ROR2: variants seen among roughly 807,000 people sequenced by gnomAD.
ROR2 encodes the protein tyrosine-protein kinase transmembrane receptor ROR2.
Under a neutral mutation model 74.9 loss-of-function variants are expected in ROR2, and 33 were observed. That is an observed-to-expected ratio of 0.44 (90% confidence interval 0.33 to 0.59). The LOEUF (loss-of-function observed/expected upper bound fraction) is 0.59. Among genes scored for constraint, ROR2 ranks in the 20% least tolerant of loss-of-function variants. ROR2 has a pLI of 0.02. For missense variants in ROR2, 1,216 were observed against 1,313.8 expected, an observed-to-expected ratio of 0.93 and a Z score of 1.15; for synonymous variants, 586 against 558.7, an observed-to-expected ratio of 1.05 and a Z score of -0.69.
intron 1 of ROR2, among the ~76,000 whole-genome samples, chr9:91,835,258 T>G (rs1040466693): frequency 6.6e-6 from 1 of 152,150 alleles, no homozygotes; most frequent in Non-Finnish European, 1.5e-5. Context: ...ATGTGCCTCA[T>G]GAAACAAACA....
chr9:91,937,029 C>CAAAAAAAAAAAAAAAAAAAAAAAA (rs540672189), intron 1 of ROR2, among the ~76,000 whole-genome samples: 5 of 65,660 alleles, frequency 7.6e-5, no homozygotes, highest in African/African-American at 3.1e-4. Flanking sequence ...GACTCCGTCT[C>CAAAAAAAAAAAAAAAAAAAAAAAA]AAAAAAAAAA....
chr9:91,740,560 G>A (rs149094761), intron 4 of ROR2, among the ~76,000 whole-genome samples: 1 of 145,454 alleles, frequency 6.9e-6, no homozygotes, highest in Non-Finnish European at 1.5e-5. Flanking sequence ...TCGGGCGGGG[G>A]GGGGAATATA....
At chr9:91,860,444 CAG>C (rs1587793908) in intron 1 of ROR2, among the ~76,000 whole-genome samples, 2 of 152,034 alleles carry the variant, frequency 1.3e-5, no homozygotes, top group Non-Finnish European at 2.9e-5. Flanking sequence ...CAGAGTTGGC[CAG>C]AGAGACAGAG....
At chr9:91,865,309 T>C (rs1829596614) in intron 1 of ROR2, among the ~76,000 whole-genome samples, 1 of 152,204 alleles carries the variant, frequency 6.6e-6, no homozygotes, top group South Asian at 2.1e-4. Flanking sequence ...TCTGGGACTC[T>C]GCTTAAGAAA....
chr9:91,871,200 AC>A (rs1171887738), intron 1 of ROR2, among the ~76,000 whole-genome samples: 2 of 152,168 alleles, frequency 1.3e-5, no homozygotes, highest in African/African-American at 2.4e-5. Context: ...GAAGAGTCTC[AC>A]TTTCTCTGTT....
chr9:91,745,717 G>T (rs527455192), intron 4 of ROR2, among the ~76,000 whole-genome samples: 1 of 151,684 alleles, frequency 6.6e-6, no homozygotes, highest in Non-Finnish European at 1.5e-5. Flanking sequence ...TTGAGCCACC[G>T]CGCCCAGCCT....
chr9:91,915,194 C>G (rs2119442520), intron 1 of ROR2, among the ~76,000 whole-genome samples: 1 of 152,290 alleles, frequency 6.6e-6, no homozygotes, highest in Admixed American at 6.5e-5. Flanking sequence ...GCAGCGGCCT[C>G]CACCTGGCAC....
chr9:91,741,328 AT>A, intron 4 of ROR2, among the ~76,000 whole-genome samples: 2 of 148,550 alleles, frequency 1.3e-5, no homozygotes, highest in African/African-American at 4.9e-5. Context: ...AATAATAATA[AT>A]AATAATAATA....
Position 91,724,197 on chromosome 9 carries a change from T to C in ROR2, c.2297A>G (p.Asn766Ser). The change falls in exon 9 of 9, where the codon AAC becomes AGC. Residue 766 changes from asparagine to serine, a missense_variant. Asn to Ser is a conservative substitution (Grantham distance 46). Coordinates refer to ENST00000375708, the MANE Select transcript of ROR2 (RefSeq NM_004560.4). Reference protein sequence around the residue: ...NSSAQTSGASNTTQTSSLSTS... With the variant: ...NSSAQTSGASSTTQTSSLSTS... ...GCTCAGGGAGCTGGTCTGCGTGGTG[T>C]TGCTGGCCCCCGAGGTCTGCGCCGA... The C allele has an allele frequency of 5.6e-6, 9 of 1,613,048 alleles. No homozygotes were observed. Among genetic ancestry groups the C allele is most frequent in the Non-Finnish European group, 7.6e-6 (9 of 1,180,020 alleles).
At chr9:91,926,868 G>A (rs1277012393) in intron 1 of ROR2, among the ~76,000 whole-genome samples, 1 of 152,152 alleles carries the variant, frequency 6.6e-6, no homozygotes, top group African/African-American at 2.4e-5. Flanking sequence ...TGTTTCATGG[G>A]GAGAGAGCTT....
At chr9:91,776,783 G>A (rs1331251940) in intron 1 of ROR2, among the ~76,000 whole-genome samples, 3 of 152,156 alleles carry the variant, frequency 2.0e-5, no homozygotes, top group African/African-American at 7.2e-5. Flanking sequence ...TAAATGTAGA[G>A]AGACCACATG....
Position 91,748,674 on chromosome 9 carries a change from A to T in ROR2, c.494+7397T>A, listed in dbSNP as rs183093188. 3.9e-5 allele frequency among the ~76,000 whole-genome samples: 6 copies of T among 152,344 alleles called. No individual in the cohort carries two copies. In the East Asian group the frequency reaches 1.2e-3, roughly 29 times the overall value. ...GTATCATTAGCAGAATCAATGAACC[A>T]CCTGGAAACATACTTAAGAAAGATA... On this transcript the variant is annotated intron_variant, in intron 4 of 8. Transcript: ENST00000375708.
At chr9:91,807,828 A>G (rs1199412911) in intron 1 of ROR2, among the ~76,000 whole-genome samples, 1 of 152,112 alleles carries the variant, frequency 6.6e-6, no homozygotes, top group Non-Finnish European at 1.5e-5. Context: ...CTGTTGGGGA[A>G]GTCAGTGAGA....
chr9:91,734,112 G>T (rs934635033), intron 5 of ROR2, among the ~76,000 whole-genome samples: 1 of 152,216 alleles, frequency 6.6e-6, no homozygotes, highest in African/African-American at 2.4e-5. Context: ...AGAGGATGCA[G>T]TTTGGTGGTT....
chr9:91,765,141 A>G (rs1359078012), intron 2 of ROR2, among the ~76,000 whole-genome samples: 3 of 152,188 alleles, frequency 2.0e-5, no homozygotes, highest in Non-Finnish European at 4.4e-5. Flanking sequence ...CCTTCTAGGT[A>G]TATGCTGGTT....
At chr9:91,792,451 G>C (rs1050324711) in intron 1 of ROR2, among the ~76,000 whole-genome samples, 2 of 152,068 alleles carry the variant, frequency 1.3e-5, no homozygotes, top group Non-Finnish European at 2.9e-5. Flanking sequence ...TGGGACTACA[G>C]GCGCCCGCCA....
chr9:91,839,285 T>TAAGTACAGGC (rs1828713687), intron 1 of ROR2, among the ~76,000 whole-genome samples: 1 of 129,346 alleles, frequency 7.7e-6, no homozygotes, highest in African/African-American at 3.4e-5. Context: ...TGTGTGTGTG[T>TAAGTACAGGC]GTGTGTGTGT....
At chr9:91,790,403 G>C (rs1190382473) in intron 1 of ROR2, among the ~76,000 whole-genome samples, 1 of 151,548 alleles carries the variant, frequency 6.6e-6, no homozygotes, top group South Asian at 2.1e-4. Flanking sequence ...CCAGCTACTC[G>C]GGAGGCTGAG....
chr9:91,891,564 C>A (rs1426702815), intron 1 of ROR2, among the ~76,000 whole-genome samples: 1 of 152,192 alleles, frequency 6.6e-6, no homozygotes, highest in Admixed American at 6.5e-5. Flanking sequence ...CTACCGCACC[C>A]GGCCCTAGCT....
Sources: allele counts gnomAD v4.1 joint callset (sites outside exome capture counted in the v4.1 genomes callset), GRCh38; gene constraint gnomAD v4.1.1; transcripts MANE v1.5; gene names NCBI Gene and HGNC (gene_info 2026-07-23, HGNC 2026-07-21).